The following UPF2 variants were observed in gnomAD, a reference collection of about 807,000 sequenced individuals.
The protein encoded by UPF2 is regulator of nonsense transcripts 2.
In UPF2, 17 loss-of-function variants were observed where a neutral mutation model predicts 141.4. The ratio of observed to expected loss-of-function variants is 0.12; its 90% CI spans 0.08 to 0.18. The LOEUF (loss-of-function observed/expected upper bound fraction) is 0.18, where lower values mean the gene tolerates loss of function less well. Ranked by LOEUF, UPF2 falls within the 10% of genes least tolerant of loss-of-function variation. The pLI, the probability that UPF2 is intolerant of heterozygous loss-of-function variation, is 1.00. For missense variants in UPF2, 1,152 were observed against 1,515.9 expected (o/e 0.76, Z 3.99); for synonymous variants, 540 against 498.0 (o/e 1.08, Z -1.12).
chr10:11,931,631 G>A lies in UPF2; in HGVS notation c.3688+10C>T. On this transcript the variant is annotated intron_variant, in intron 20 of 21. Coordinates refer to ENST00000357604, the MANE Select transcript of UPF2 (RefSeq NM_015542.4). This position sits in a 1 kb window ranked among gnomAD's most constrained non-coding sequence, Gnocchi z 5.9. The stretch of plus-strand genomic sequence containing the variant: ...AAAAATTTCCACTTCTCTTATAGAT[G>A]ATTTTATACCTTGATAATCTTCTTG... 6.3e-7 allele frequency: 1 copy of A among 1,579,512 alleles called. No individual in the cohort carries two copies. Among genetic ancestry groups the A allele is most frequent in the Non-Finnish European group, 8.6e-7 (1 of 1,168,262 alleles).
Position 12,014,496 on chromosome 10 carries a change from T to C in UPF2, c.1146-312A>G, listed in dbSNP as rs1212056660. ...TTATTACAGTCACACTCTTCTCAGA[T>C]ATAGAGTTAACCAAAACTAGCACAA... On this transcript the variant is annotated intron_variant, in intron 3 of 21. Coordinates refer to ENST00000357604, the MANE Select transcript of UPF2 (RefSeq NM_015542.4). The surrounding 1 kb of genome is among the most constrained non-coding windows in gnomAD (Gnocchi z 5.0). 1.3e-5 allele frequency among the ~76,000 whole-genome samples: 2 copies of C among 152,174 alleles called. No individual in the cohort carries two copies. Among genetic ancestry groups the C allele is most frequent in the South Asian group, 2.1e-4 (1 of 4,828 alleles).
rs1833580786 is a variant in UPF2, at chr10:11,980,910, T to G, written c.1845-1745A>C. ...TGGAAATAAATTTGAAAGGTATGGTTAGGCTGGGCATGGTGGTCAATAATC... is the reference window on the plus strand; with the variant it reads ...TGGAAATAAATTTGAAAGGTATGGTGAGGCTGGGCATGGTGGTCAATAATC... On this transcript the variant is annotated intron_variant, in intron 8 of 21. Transcript: ENST00000357604. This position sits in a 1 kb window ranked among gnomAD's most constrained non-coding sequence, Gnocchi z 4.2. Among the ~76,000 whole-genome samples, 2 of 151,966 alleles carry G rather than the reference T, an allele frequency of 1.3e-5. No homozygotes were observed. The highest frequency in any genetic ancestry group is 1.5e-5 in the Non-Finnish European group (1 of 67,962).
At chr10:11,937,429 C>G (rs1043088423) in intron 18 of UPF2, among the ~76,000 whole-genome samples, 5 of 152,198 alleles carry the variant, frequency 3.3e-5, no homozygotes, top group African/African-American at 1.2e-4. Context: ...AAGTGACTAC[C>G]TGTACCTGGC....
intron 8 of UPF2, among the ~76,000 whole-genome samples, chr10:11,991,651 C>T (rs1043264203): frequency 6.6e-6 from 1 of 152,072 alleles, no homozygotes; most frequent in African/African-American, 2.4e-5. Context: ...GCCAGCTCGC[C>T]TAGATTTCAA....
chr10:11,963,724 C>A (rs895050605), intron 11 of UPF2, among the ~76,000 whole-genome samples: 1 of 152,138 alleles, frequency 6.6e-6, no homozygotes, highest in Non-Finnish European at 1.5e-5. Context: ...ATGGCTCTAA[C>A]AAAACAGTAT....
intron 16 of UPF2, among the ~76,000 whole-genome samples, chr10:11,947,353 T>C (rs1272459204): frequency 6.6e-6 from 1 of 152,216 alleles, no homozygotes. Flanking sequence ...CTATCGTATA[T>C]GTTGAATTTC....
At chr10:12,024,071 A>G (rs1413221528) in intron 3 of UPF2, among the ~76,000 whole-genome samples, 1 of 152,220 alleles carries the variant, frequency 6.6e-6, no homozygotes, top group African/African-American at 2.4e-5. Flanking sequence ...AATATCAGCT[A>G]GCTTAGTTTT....
At chr10:11,965,945 G>A (rs11257452) in intron 10 of UPF2, among the ~76,000 whole-genome samples, 8,826 of 152,114 alleles carry the variant, frequency 0.058, 513 homozygotes, top group East Asian at 0.24. Flanking sequence ...CCTTAGTAAC[G>A]GAATGATCAA....
chr10:12,004,724 T>C lies in UPF2; in HGVS notation c.1310A>G (p.His437Arg), dbSNP rs773989496. 2 of 1,610,074 alleles carry C rather than the reference T, an allele frequency of 1.2e-6. No individual in the cohort carries two copies. The highest frequency in any genetic ancestry group is 1.7e-5 in the Admixed American group (1 of 59,240). Residue 437 changes from histidine (H) to arginine (R), a missense_variant, in exon 5 of 22, where the codon CAT becomes CGT. Coordinates refer to ENST00000357604, the MANE Select transcript of UPF2 (RefSeq NM_015542.4). ...TGTGAATATATCAATTCCAGGCCCA[T>C]GTTCTACAATAAAATAAATCACAAG... ...LPQDKPTPEE[H>R]GPGIDIFTPG...
intron 4 of UPF2, among the ~76,000 whole-genome samples, chr10:12,009,247 GA>G (rs1265926456): frequency 6.6e-6 from 1 of 152,154 alleles, no homozygotes; most frequent in Non-Finnish European, 1.5e-5. Context: ...CAGGTTCAGA[GA>G]TTTTGTTACA....
intron 8 of UPF2, among the ~76,000 whole-genome samples, chr10:11,989,835 G>C (rs1564357714): frequency 6.6e-6 from 1 of 152,180 alleles, no homozygotes; most frequent in East Asian, 1.9e-4. Flanking sequence ...TGACGTAGAT[G>C]AAAGTGGTCT....
At chr10:11,971,915 T>C (rs1833424158) in intron 9 of UPF2, among the ~76,000 whole-genome samples, 2 of 151,936 alleles carry the variant, frequency 1.3e-5, no homozygotes, top group South Asian at 2.1e-4. Context: ...AGTACAAAAA[T>C]TGGCCAGGTA....
intron 6 of UPF2, among the ~76,000 whole-genome samples, chr10:12,000,652 G>A (rs1349462054): frequency 6.6e-6 from 1 of 151,986 alleles, no homozygotes; most frequent in Non-Finnish European, 1.5e-5. Context: ...ATAAAATAAA[G>A]TAAAATAAGC....
rs1288879286 is a variant in UPF2 at position 11,959,722 on chromosome 10, C to T, written c.2185-366G>A. ...CTGCAGTAAGCCATGACTGGCACTG[C>T]ACTCCAGCCTGGGCAACAGCAAGAC... On this transcript the variant is annotated intron_variant, in intron 11 of 21. Transcript: ENST00000357604. The surrounding 1 kb of genome is among the most constrained non-coding windows in gnomAD (Gnocchi z 5.9). 1.3e-5 allele frequency among the ~76,000 whole-genome samples: 2 copies of T among 152,084 alleles called. No homozygotes were observed. The highest frequency in any genetic ancestry group is 2.9e-5 in the Non-Finnish European group (2 of 68,020).
chr10:11,980,628 G>A lies in UPF2; in HGVS notation c.1845-1463C>T, dbSNP rs1418100295. On this transcript the variant is annotated intron_variant, in intron 8 of 21. Transcript: ENST00000357604. The surrounding 1 kb of genome is among the most constrained non-coding windows in gnomAD (Gnocchi z 4.2). ...GATGCCTGCAATCCCAGCTACTCGG[G>A]AGACTGAGGCAGGAGAATCACTTGA... 2.0e-5 allele frequency among the ~76,000 whole-genome samples: 3 copies of A among 152,088 alleles called. No homozygotes were observed. The highest frequency in any genetic ancestry group is 2.9e-5 in the Non-Finnish European group (2 of 68,004).
Position 11,996,502 on chromosome 10 carries a change from C to A in UPF2, c.1844+1170G>T, listed in dbSNP as rs561167668. 3.2e-3 allele frequency among the ~76,000 whole-genome samples: 490 copies of A among 152,220 alleles called. 3 individuals carry two copies. Among genetic ancestry groups the A allele is most frequent in the South Asian group, 7.3e-3 (35 of 4,808 alleles). On this transcript the variant is annotated intron_variant, in intron 8 of 21. Transcript: ENST00000357604. ...AGCTGAGTATGGGCATGCGCCACCA[C>A]ACCCAGCTAATTTTGTATTTTAGTA...
chr10:11,975,722 G>A (rs1833496249), intron 9 of UPF2, among the ~76,000 whole-genome samples: 2 of 151,468 alleles, frequency 1.3e-5, no homozygotes, highest in East Asian at 1.9e-4. Flanking sequence ...TCTCCATGTT[G>A]GTCAGGCTGG....
chr10:12,021,379 A>AAAAAAATT (rs112914825), intron 3 of UPF2, among the ~76,000 whole-genome samples: 6 of 147,148 alleles, frequency 4.1e-5, no homozygotes, highest in East Asian at 2.1e-4. Flanking sequence ...AAAAAAAAAA[A>AAAAAAATT]TTTTTTTAAA....
chr10:12,038,886 C>T (rs1834684135), intron 1 of UPF2, among the ~76,000 whole-genome samples: 1 of 152,152 alleles, frequency 6.6e-6, no homozygotes, highest in Non-Finnish European at 1.5e-5. Context: ...TGGTCTCACA[C>T]TCCCGGGCTC....
Sources: gnomAD v4.1 joint callset for allele counts (sites outside exome capture counted in the v4.1 genomes callset) on GRCh38, gnomAD v4.1.1 for gene constraint, Gnocchi (gnomAD v3.1) non-coding constraint, MANE v1.5 for transcripts, NCBI Gene and HGNC (gene_info 2026-07-23, HGNC 2026-07-21) for gene names.